The following SYT1 variants were observed in gnomAD, a reference collection of about 807,000 sequenced individuals.
The protein encoded by SYT1 is synaptotagmin-1.
A neutral mutation model predicts 44.8 loss-of-function variants in SYT1; 8 were observed. The observed-to-expected ratio is 0.18, with a 90% CI of 0.10 to 0.32. The LOEUF (loss-of-function observed/expected upper bound fraction) is 0.32, where lower values mean the gene tolerates loss of function less well. Ranked by LOEUF, SYT1 falls within the 10% of genes least tolerant of loss-of-function variation. SYT1 has a pLI of 1.00. For missense variants in SYT1, 286 were observed against 509.3 expected (o/e 0.56, Z 4.22); for synonymous variants, 154 against 188.8 (o/e 0.82, Z 1.51).
intron 9 of SYT1, among the ~76,000 whole-genome samples, chr12:79,385,289 G>T (rs1354975608): frequency 6.6e-6 from 1 of 152,072 alleles, no homozygotes; most frequent in African/African-American, 2.4e-5. Context: ...TTCTGGGCAG[G>T]ACCACTGGAT....
intron 3 of SYT1, among the ~76,000 whole-genome samples, chr12:79,178,371 G>C (rs528009562): frequency 2.6e-5 from 4 of 151,270 alleles, no homozygotes; most frequent in Non-Finnish European, 5.9e-5. Context: ...TTTCATGCTC[G>C]TATTGTCTGA....
chr12:79,356,726 A>C (rs1883128126), intron 9 of SYT1, among the ~76,000 whole-genome samples: 2 of 152,226 alleles, frequency 1.3e-5, no homozygotes, highest in South Asian at 4.1e-4. Flanking sequence ...CAAGTTATTT[A>C]TTTAACTCTT....
intron 2 of SYT1, among the ~76,000 whole-genome samples, chr12:78,995,389 G>A (rs921586288): frequency 6.6e-6 from 1 of 152,052 alleles, no homozygotes; most frequent in African/African-American, 2.4e-5. Flanking sequence ...ATCTCAATAG[G>A]GGTGAGAAAC....
chr12:78,976,381 G>A (rs1868833722), intron 1 of SYT1, among the ~76,000 whole-genome samples: 1 of 152,108 alleles, frequency 6.6e-6, no homozygotes, highest in South Asian at 2.1e-4. Flanking sequence ...GCCATTCAGG[G>A]AATAAAACTC....
intron 6 of SYT1, among the ~76,000 whole-genome samples, chr12:79,294,890 CAAA>C (rs10591213): frequency 9.5e-5 from 13 of 137,226 alleles, no homozygotes; most frequent in East Asian, 6.1e-4. Context: ...CATGATTCCA[CAAA>C]AAAAAAAAAA....
At chr12:79,064,975 A>AGAAAGAAAGAAGGAAG (rs1488347137) in intron 3 of SYT1, among the ~76,000 whole-genome samples, 1 of 149,202 alleles carries the variant, frequency 6.7e-6, no homozygotes, top group African/African-American at 2.5e-5. Context: ...AAAGAAAGAA[A>AGAAAGAAAGAAGGAAG]GAAAGAAAGA....
chr12:79,149,992 C>T (rs971510030), intron 3 of SYT1, among the ~76,000 whole-genome samples: 13 of 152,006 alleles, frequency 8.6e-5, no homozygotes, highest in African/African-American at 2.9e-4. Context: ...TGTTATGTAA[C>T]CCAGATTAGA....
intron 1 of SYT1, among the ~76,000 whole-genome samples, chr12:78,958,116 A>C (rs1879304247): frequency 6.6e-6 from 1 of 152,112 alleles, no homozygotes; most frequent in Non-Finnish European, 1.5e-5. Flanking sequence ...TTATAAGATA[A>C]AGATTTATCT....
At chr12:79,419,393 GT>G (rs2136151710) in intron 9 of SYT1, 1 of 436,126 alleles carries the variant, frequency 2.3e-6, no homozygotes, top group South Asian at 1.7e-5. Context: ...ATCAGTCATA[GT>G]GGTAAGCTCA....
chr12:79,119,807 T>A (rs1031872404), intron 3 of SYT1, among the ~76,000 whole-genome samples: 3 of 152,212 alleles, frequency 2.0e-5, no homozygotes, highest in African/African-American at 7.2e-5. Flanking sequence ...AAGTTGTTTT[T>A]TTTTTCTAAG....
intron 2 of SYT1, among the ~76,000 whole-genome samples, chr12:79,016,111 T>C (rs1871789228): frequency 6.6e-6 from 1 of 152,180 alleles, no homozygotes; most frequent in Non-Finnish European, 1.5e-5. Flanking sequence ...TTCTAAATTT[T>C]GTGTGTAATG....
At chr12:78,986,331 T>C (rs1288680592) in intron 2 of SYT1, among the ~76,000 whole-genome samples, 3 of 151,766 alleles carry the variant, frequency 2.0e-5, no homozygotes, top group African/African-American at 4.8e-5. Context: ...TTAGAACATA[T>C]GACAGTTTAA....
rs199942670 is a variant in SYT1 at position 78,930,485 on chromosome 12, G to GA, written c.-216-47305dup. ...AAGAAAACAAAAAGTCAAAAGTTGG[G>GA]AAAAAAAAATAGATGGAGTTAATGA... On this transcript the variant is annotated intron_variant, in intron 1 of 10. Coordinates refer to ENST00000261205, the MANE Select transcript of SYT1 (RefSeq NM_005639.3). Among the ~76,000 whole-genome samples, 92 of 149,276 alleles carry GA rather than the reference G, an allele frequency of 6.2e-4. 1 individual carries two copies. Among genetic ancestry groups the GA allele is most frequent in the Middle Eastern group, 3.4e-3 (1 of 294 alleles).
At chr12:79,337,011 A>G (rs778823794) in intron 8 of SYT1, among the ~76,000 whole-genome samples, 26 of 151,764 alleles carry the variant, frequency 1.7e-4, no homozygotes, top group African/African-American at 3.6e-4. Flanking sequence ...TCTCCTCACC[A>G]TCTTCTGTGT....
At chr12:79,315,995 C>T (rs1028008614) in intron 8 of SYT1, among the ~76,000 whole-genome samples, 3 of 152,150 alleles carry the variant, frequency 2.0e-5, no homozygotes, top group African/African-American at 7.2e-5. Context: ...TTTTCCAGAC[C>T]TTTTTCCTAC....
intron 3 of SYT1, among the ~76,000 whole-genome samples, chr12:79,071,305 C>G (rs554277479): frequency 6.6e-6 from 1 of 152,232 alleles, no homozygotes; most frequent in Non-Finnish European, 1.5e-5. Flanking sequence ...ATGCCAGACA[C>G]TATTATGAGT....
chr12:78,943,413 G>A (rs1336392534), intron 1 of SYT1, among the ~76,000 whole-genome samples: 2 of 152,152 alleles, frequency 1.3e-5, no homozygotes, highest in Non-Finnish European at 1.5e-5. Flanking sequence ...CAGAGCAGGA[G>A]CAAGAGGTGA....
At chr12:79,199,142 T>C (rs899787607) in intron 3 of SYT1, among the ~76,000 whole-genome samples, 1 of 152,178 alleles carries the variant, frequency 6.6e-6, no homozygotes, top group Non-Finnish European at 1.5e-5. Context: ...TTATCCTCTT[T>C]AATGCCATAC....
intron 2 of SYT1, among the ~76,000 whole-genome samples, chr12:79,012,833 T>C (rs1250834663): frequency 1.3e-5 from 2 of 152,304 alleles, no homozygotes; most frequent in Middle Eastern, 3.4e-3. Context: ...CTGTGGTTTC[T>C]CATTATGCTT....
Sources: gnomAD v4.1 joint callset for allele counts (sites outside exome capture counted in the v4.1 genomes callset) on GRCh38, gnomAD v4.1.1 for gene constraint, MANE v1.5 for transcripts, NCBI Gene and HGNC (gene_info 2026-07-23, HGNC 2026-07-21) for gene names.